The following CERS5 variants were observed in gnomAD, a reference collection of about 807,000 sequenced individuals.
The protein encoded by CERS5 is LAG1 homolog, ceramide synthase 5.
In CERS5, 37 loss-of-function variants were observed where a neutral mutation model predicts 58.9. The observed-to-expected ratio is 0.63, with a 90% CI of 0.48 to 0.83. The LOEUF is 0.83. Ranked by LOEUF, CERS5 falls within the 40% of genes least tolerant of loss-of-function variation. The pLI is 0.00. For synonymous variants in CERS5, 147 were observed against 177.8 expected (o/e 0.83, Z 1.38); for missense variants, 398 against 489.3 (o/e 0.81, Z 1.76).
At chr12:50,165,703 A>G (rs2138317799) in intron 1 of CERS5, 1 of 220,202 alleles carries the variant, frequency 4.5e-6, no homozygotes, top group South Asian at 5.0e-5. Context: ...TCTTTCAGAA[A>G]TTAACAGATT....
intron 1 of CERS5, among the ~76,000 whole-genome samples, chr12:50,157,470 A>G (rs752658860): frequency 1.3e-5 from 2 of 151,928 alleles, no homozygotes; most frequent in African/African-American, 4.8e-5. Context: ...CTGAATAGCT[A>G]ATATGAATGT....
chr12:50,139,155 C>G (rs560493961), intron 4 of CERS5, among the ~76,000 whole-genome samples: 2 of 152,128 alleles, frequency 1.3e-5, no homozygotes, highest in African/African-American at 4.8e-5. Flanking sequence ...TTTAATCAAA[C>G]CTTTCAAAGA....
intron 1 of CERS5, chr12:50,144,990 T>A: frequency 3.3e-6 from 1 of 299,466 alleles, no homozygotes; most frequent in Non-Finnish European, 6.3e-6. Context: ...AAAAAAAAAT[T>A]ATCTGGGCGT....
intron 1 of CERS5, chr12:50,165,934 A>G (rs1319162887): frequency 4.4e-6 from 2 of 455,044 alleles, no homozygotes; most frequent in African/African-American, 2.0e-5. Flanking sequence ...GCCTCAGTGA[A>G]TATCTTTATC....
intron 4 of CERS5, among the ~76,000 whole-genome samples, chr12:50,139,903 A>C (rs1951874130): frequency 6.6e-6 from 1 of 152,046 alleles, no homozygotes; most frequent in Non-Finnish European, 1.5e-5. Flanking sequence ...ATGGGGTCTC[A>C]CTATAGAGAC....
At chr12:50,164,451 T>G (rs893314549) in intron 1 of CERS5, among the ~76,000 whole-genome samples, 3 of 151,716 alleles carry the variant, frequency 2.0e-5, no homozygotes, top group Non-Finnish European at 2.9e-5. Context: ...AAGAGTGGAG[T>G]GGTCTATTTT....
rs540379962 is a variant in CERS5, at chr12:50,131,636, G to A, written c.1030-942C>T. Among the ~76,000 whole-genome samples the A allele has an allele frequency of 2.0e-5, 3 of 151,436 alleles. No individual in the cohort carries two copies. In the South Asian group the frequency reaches 6.2e-4, roughly 31 times the overall value. ...TACACAGTATAGTGAAAACACAAAT[G>A]GATTGGCAGTCAATGAGAAAAGAAT... On this transcript the variant is annotated intron_variant, in intron 9 of 9. Transcript: ENST00000317551.
chr12:50,160,318 AG>A (rs1939141488), intron 1 of CERS5, among the ~76,000 whole-genome samples: 1 of 150,946 alleles, frequency 6.6e-6, no homozygotes, highest in Non-Finnish European at 1.5e-5. Context: ...AAAAAAAAAA[AG>A]AAAAAAAAAA....
At chr12:50,155,736 C>CAAA (rs146913126) in intron 1 of CERS5, among the ~76,000 whole-genome samples, 3,950 of 21,464 alleles carry the variant, frequency 0.18, 1,339 homozygotes, top group Middle Eastern at 0.5. Flanking sequence ...GACTCCATCT[C>CAAA]AAAAAAAAAA....
At chr12:50,159,049 C>T (rs1196339055) in intron 1 of CERS5, among the ~76,000 whole-genome samples, 1 of 152,024 alleles carries the variant, frequency 6.6e-6, no homozygotes, top group East Asian at 1.9e-4. Context: ...CGGCCGGGCG[C>T]GGTGGCTCAC....
intron 1 of CERS5, among the ~76,000 whole-genome samples, chr12:50,150,771 T>G (rs1271198673): frequency 6.6e-6 from 1 of 152,114 alleles, no homozygotes; most frequent in Non-Finnish European, 1.5e-5. Context: ...AGATCTGTAG[T>G]AACCTTCACC....
chr12:50,167,005 T>C, intron 1 of CERS5, 96 bp downstream of exon 1: 1 of 1,031,158 alleles, frequency 9.7e-7, no homozygotes, highest in Non-Finnish European at 1.4e-6. Flanking sequence ...CTTCCGGGCT[T>C]TCCTTGCAGT....
At chr12:50,144,259 TCA>T (rs1432124277) in intron 1 of CERS5, 4 of 480,282 alleles carry the variant, frequency 8.3e-6, no homozygotes, top group Non-Finnish European at 1.5e-5. Context: ...TTCACCAGCC[TCA>T]GTCTCCCAAA....
At chr12:50,135,405 A>G in intron 8 of CERS5, 1 of 516,552 alleles carries the variant, frequency 1.9e-6, no homozygotes, top group Non-Finnish European at 3.7e-6. Context: ...AATTGTATCA[A>G]CAGTGCAAAA....
chr12:50,131,273 A>G (rs1436677692), intron 9 of CERS5, among the ~76,000 whole-genome samples: 2 of 152,168 alleles, frequency 1.3e-5, no homozygotes, highest in African/African-American at 4.8e-5. Flanking sequence ...AAACTTCAGC[A>G]TCCCTGGCTG....
intron 1 of CERS5, chr12:50,148,534 T>G (rs1174756892): frequency 3.0e-6 from 1 of 337,628 alleles, no homozygotes; most frequent in Non-Finnish European, 6.2e-6. Context: ...GAGACAGAGG[T>G]TGCAGTGAGC....
At chr12:50,131,658 G>A (rs545107395) in intron 9 of CERS5, among the ~76,000 whole-genome samples, 138 of 151,088 alleles carry the variant, frequency 9.1e-4, no homozygotes, top group Non-Finnish European at 1.4e-3. Context: ...AATGAGAAAA[G>A]AATCCCAGTT....
intron 2 of CERS5, 166 bp from the exon 3 acceptor site, chr12:50,143,370 T>C (rs1952084259): frequency 5.6e-6 from 4 of 712,282 alleles, no homozygotes; most frequent in Admixed American, 2.8e-5. Context: ...TTATCTTACA[T>C]ATCAAGGACC....
At position 50,167,185 on chromosome 12, in the gene CERS5, C is replaced by T. The variant is rs981259952; in HGVS notation, c.113G>A (p.Gly38Asp). Residue 38 changes from glycine to aspartate, a missense_variant, in exon 1 of 10, where the codon GGC (glycine) becomes GAC (aspartate). Coordinates refer to ENST00000317551, the MANE Select transcript of CERS5 (RefSeq NM_147190.5). ...GTGCCGGCCGCGGGGGTAACCGTAG[C>T]CGTCGGCCGGCCCCTCCAGATCAGC... Reference protein sequence around the residue: ...SWADLEGPADGYGYPRGRHIL... With the variant: ...SWADLEGPADDYGYPRGRHIL... 7 of 1,604,344 alleles carry T rather than the reference C, an allele frequency of 4.4e-6. No individual in the cohort carries two copies. Among genetic ancestry groups the T allele is most frequent in the Non-Finnish European group, 5.9e-6 (7 of 1,177,304 alleles).
Sources: gnomAD v4.1 joint callset for allele counts (sites outside exome capture counted in the v4.1 genomes callset) on GRCh38, gnomAD v4.1.1 for gene constraint, MANE v1.5 for transcripts, NCBI Gene and HGNC (gene_info 2026-07-23, HGNC 2026-07-21) for gene names.